The following CD200 variants were observed in gnomAD, a reference collection of about 807,000 sequenced individuals.
CD200 encodes CD200 molecule, also known as OX-2 membrane glycoprotein.
In CD200, 15 loss-of-function variants were observed where a neutral mutation model predicts 30.9. That is an observed-to-expected ratio of 0.49 (90% confidence interval 0.32 to 0.75). CD200 has a LOEUF of 0.75. Among genes scored for constraint, CD200 ranks in the 30% least tolerant of loss-of-function variants. The probability of loss-of-function intolerance (pLI) is 0.03; values close to 1 mark genes in which losing one functional copy is unlikely to be tolerated. For synonymous variants in CD200, 134 were observed against 126.2 expected (o/e 1.06, Z -0.41); for missense variants, 262 against 324.2 (o/e 0.81, Z 1.47).
intron 4 of CD200, 114 bp downstream of exon 4, chr3:112,347,944 AT>A: frequency 1.1e-6 from 1 of 920,794 alleles, no homozygotes; most frequent in Non-Finnish European, 1.6e-6. Flanking sequence ...TGGAGAAAGA[AT>A]GGGGCAAATA....
rs754033289 is a variant in CD200 at position 112,347,767 on chromosome 3, G to A, written c.631G>A (p.Glu211Lys). 1.9e-6 allele frequency: 3 copies of A among 1,613,922 alleles called. No homozygotes were observed. The highest frequency in any genetic ancestry group is 2.2e-5 in the South Asian group (2 of 91,078). ...AGACCCTAAGAATCAGGTGGGGAAGGAGGTGATCTGCCAGGTGCTGCACCT... is the reference window on the plus strand; with the variant it reads ...AGACCCTAAGAATCAGGTGGGGAAGAAGGTGATCTGCCAGGTGCTGCACCT... The part of the protein sequence containing the change: ...IKDPKNQVGK[E>K]VICQVLHLGT... Residue 211 changes from glutamate to lysine, a missense_variant, in exon 4 of 6, where the codon GAG becomes AAG. By Grantham distance (56) the Glu-to-Lys change is moderately conservative. Coordinates refer to ENST00000315711, the MANE Select transcript of CD200 (RefSeq NM_005944.7).
chr3:112,340,932 A>T lies in CD200; in HGVS notation c.43A>T (p.Thr15Ser), dbSNP rs201519283. 1.2e-6 allele frequency: 2 copies of T among 1,611,594 alleles called. No individual in the cohort carries two copies. The highest frequency in any genetic ancestry group is 1.3e-5 in the African/African-American group (1 of 74,862). The change falls in exon 2 of 6, where the codon ACC becomes TCC. Residue 15 changes from threonine (T) to serine (S), a missense_variant. Transcript: ENST00000315711. Reference sequence around the variant, plus strand: ...CAGGATGCCCTTCTCTCATCTGTCTACCTACAGCCTGGTTTGGGTCATGGC... The same window carrying T: ...CAGGATGCCCTTCTCTCATCTGTCTTCCTACAGCCTGGTTTGGGTCATGGC... ...VIRMPFSHLS[T>S]YSLVWVMAAV...
intron 1 of CD200, chr3:112,335,750 G>A (rs2081100616): frequency 3.4e-6 from 2 of 592,758 alleles, no homozygotes; most frequent in African/African-American, 3.8e-5. Flanking sequence ...CTTGTCTCTG[G>A]CAGTTAGAGT....
intron 3 of CD200, among the ~76,000 whole-genome samples, chr3:112,346,819 A>G (rs542588689): frequency 1.6e-4 from 25 of 152,314 alleles, no homozygotes; most frequent in African/African-American, 4.8e-4. Context: ...AAATGAACTC[A>G]CTAGTCAGGG....
At chr3:112,356,877 T>A (rs1454217849) in intron 5 of CD200, among the ~76,000 whole-genome samples, 5 of 152,220 alleles carry the variant, frequency 3.3e-5, no homozygotes, top group Non-Finnish European at 7.3e-5. Flanking sequence ...TGCCTCCTTT[T>A]CCTCACTGAG....
chr3:112,337,947 T>C (rs1184683339), intron 1 of CD200, among the ~76,000 whole-genome samples: 3 of 152,234 alleles, frequency 2.0e-5, no homozygotes, highest in African/African-American at 7.2e-5. Flanking sequence ...ATAAATTCTA[T>C]ATAAATAGTT....
intron 1 of CD200, among the ~76,000 whole-genome samples, chr3:112,335,305 C>T (rs894689532): frequency 1.3e-5 from 2 of 152,114 alleles, no homozygotes; most frequent in Non-Finnish European, 2.9e-5. Context: ...GCAGCTGAAC[C>T]ATCTTGGGTT....
intron 5 of CD200, among the ~76,000 whole-genome samples, chr3:112,351,613 G>A (rs543785498): frequency 7.2e-5 from 11 of 152,234 alleles, no homozygotes; most frequent in African/African-American, 1.7e-4. Flanking sequence ...ACTCCTGTAC[G>A]CATCAGGATT....
At chr3:112,340,851 G>T (rs376663261) in intron 1 of CD200, 51 bp from the exon 2 acceptor site, 33 of 1,145,634 alleles carry the variant, frequency 2.9e-5, no homozygotes, top group Middle Eastern at 4.1e-4. Context: ...AGCTTCCTTG[G>T]ATTTGTCCAA....
chr3:112,359,714 G>A (rs1406595045), intron 5 of CD200, among the ~76,000 whole-genome samples: 2 of 152,128 alleles, frequency 1.3e-5, no homozygotes, highest in African/African-American at 4.8e-5. Flanking sequence ...AACAAAACAG[G>A]ACCTTGTCAT....
At chr3:112,361,314 G>A (rs113371607) in intron 5 of CD200, among the ~76,000 whole-genome samples, 2,297 of 152,100 alleles carry the variant, frequency 0.015, 60 homozygotes, top group African/African-American at 0.051. Flanking sequence ...CTAAAACACT[G>A]GGCTTACAGC....
At chr3:112,342,334 TTTCC>T (rs1559783153) in intron 2 of CD200, among the ~76,000 whole-genome samples, 2,364 of 46,300 alleles carry the variant, frequency 0.051, 384 homozygotes, top group African/African-American at 0.08. Context: ...TCTTTCTTTC[TTTCC>T]TTCTTTCTTT....
intron 3 of CD200, among the ~76,000 whole-genome samples, chr3:112,346,396 T>C (rs145217112): frequency 1.1e-4 from 17 of 152,218 alleles, no homozygotes; most frequent in African/African-American, 3.9e-4. Flanking sequence ...CCTTCACTCA[T>C]AGACTTTTGT....
chr3:112,353,912 TA>T (rs2081582297), intron 5 of CD200, among the ~76,000 whole-genome samples: 1 of 152,178 alleles, frequency 6.6e-6, no homozygotes, highest in Admixed American at 6.5e-5. Flanking sequence ...TGTGATGCTT[TA>T]CATGAGAAAA....
intron 2 of CD200, among the ~76,000 whole-genome samples, chr3:112,342,757 A>T (rs938291542): frequency 6.6e-6 from 1 of 152,118 alleles, no homozygotes; most frequent in Non-Finnish European, 1.5e-5. Context: ...TTAACATATT[A>T]TGTTCTCATT....
At chr3:112,339,712 C>G (rs1488272074) in intron 1 of CD200, among the ~76,000 whole-genome samples, 2 of 152,180 alleles carry the variant, frequency 1.3e-5, no homozygotes, top group South Asian at 2.1e-4. Flanking sequence ...AGGCAGAAAG[C>G]CTTGTAGAAT....
intron 5 of CD200, among the ~76,000 whole-genome samples, chr3:112,350,555 A>G (rs757040208): frequency 7.2e-5 from 11 of 152,248 alleles, no homozygotes; most frequent in East Asian, 1.9e-4. Context: ...TGAGCTAGAT[A>G]GAGAGGAAGA....
chr3:112,352,608 A>C (rs2081555653), intron 5 of CD200, among the ~76,000 whole-genome samples: 1 of 152,138 alleles, frequency 6.6e-6, no homozygotes, highest in Admixed American at 6.6e-5. Flanking sequence ...CAGACGAATA[A>C]GTTTTTGAAT....
At chr3:112,334,268 A>AG (rs1450795271) in intron 1 of CD200, 2 of 985,354 alleles carry the variant, frequency 2.0e-6, no homozygotes, top group Admixed American at 6.1e-5. Context: ...AGGCATGAAT[A>AG]GGGGCAATAT....
Sources: gnomAD v4.1 joint callset for allele counts (sites outside exome capture counted in the v4.1 genomes callset) on GRCh38, gnomAD v4.1.1 for gene constraint, MANE v1.5 for transcripts, NCBI Gene and HGNC (gene_info 2026-07-23, HGNC 2026-07-21) for gene names.